The following SH3BP5 variants were observed in gnomAD, a reference collection of about 807,000 sequenced individuals.
The protein encoded by SH3BP5 is SH3 domain binding protein 5, also known as SH3 domain-binding protein 5.
In SH3BP5, 22 loss-of-function variants were observed where a neutral mutation model predicts 43.3. The ratio of observed to expected loss-of-function variants is 0.51; its 90% confidence interval spans 0.36 to 0.73. SH3BP5 has a LOEUF of 0.73. SH3BP5 is among the 30% of genes least tolerant of loss of function. The pLI is 0.00. For missense variants in SH3BP5, 529 were observed against 586.9 expected (o/e 0.90, Z 1.02); for synonymous variants, 255 against 225.8 (o/e 1.13, Z -1.16).
intron 3 of SH3BP5, among the ~76,000 whole-genome samples, chr3:15,286,758 C>T (rs1697276325): frequency 1.3e-5 from 2 of 152,138 alleles, no homozygotes; most frequent in Non-Finnish European, 2.9e-5. Context: ...GTTGCCCAGG[C>T]TGGTCTTGAA....
intron 2 of SH3BP5, among the ~76,000 whole-genome samples, chr3:15,304,814 C>CA (rs11358968): frequency 0.094 from 7,522 of 79,946 alleles, 493 homozygotes; most frequent in African/African-American, 0.17. Context: ...GACTCTGTCT[C>CA]AAAAAAAAAA....
chr3:15,255,456 A>AAAAAGTGCAGCTCAT lies in SH3BP5; in HGVS notation c.*615_*629dup, dbSNP rs1174658476. ...CACTGGCATTCACCTTTCCCACCCC[A>AAAAAGTGCAGCTCAT]AAAAGTGCAGCTCATGGTAGCCTTC... is the stretch of plus-strand genomic sequence containing the variant. On this transcript the variant is annotated 3_prime_UTR_variant, in exon 9 of 9. Transcript: ENST00000383791. 1 of 152,390 alleles carries AAAAAGTGCAGCTCAT rather than the reference A, an allele frequency of 6.6e-6. No individual in the cohort carries two copies. Among genetic ancestry groups the AAAAAGTGCAGCTCAT allele is most frequent in the Non-Finnish European group, 1.5e-5 (1 of 68,046 alleles). 9.4% of individuals were successfully genotyped at this position (152,390 alleles called of 1,614,324 possible). A position where few individuals can be genotyped will look rare whatever the true frequency, so the allele number is the denominator to read the frequency against.
intron 2 of SH3BP5, among the ~76,000 whole-genome samples, chr3:15,320,349 T>C (rs559816245): frequency 1.5e-4 from 23 of 152,198 alleles, no homozygotes; most frequent in African/African-American, 5.3e-4. Context: ...CAGGCAAGAA[T>C]AGAACAAAAT....
intron 3 of SH3BP5, among the ~76,000 whole-genome samples, chr3:15,272,267 C>G (rs1319918320): frequency 2.0e-5 from 3 of 152,222 alleles, no homozygotes; most frequent in Non-Finnish European, 2.9e-5. Flanking sequence ...ACCCAGCCCT[C>G]CAGGCGACGA....
chr3:15,270,950 A>C (rs1220113342), intron 3 of SH3BP5, among the ~76,000 whole-genome samples: 2 of 151,340 alleles, frequency 1.3e-5, no homozygotes, highest in Non-Finnish European at 2.9e-5. Flanking sequence ...AAAGTGATTA[A>C]TCCCAATTGA....
chr3:15,265,148 C>T (rs1696586455), intron 4 of SH3BP5, among the ~76,000 whole-genome samples: 1 of 152,096 alleles, frequency 6.6e-6, no homozygotes, highest in African/African-American at 2.4e-5. Context: ...ACATCACTGT[C>T]CCCTGCTTCG....
intron 2 of SH3BP5, among the ~76,000 whole-genome samples, chr3:15,318,760 T>G (rs1575345792): frequency 6.6e-6 from 1 of 152,266 alleles, no homozygotes; most frequent in Non-Finnish European, 1.5e-5. Flanking sequence ...TTAGTAGAGA[T>G]AGGGTTTCGC....
chr3:15,256,830 G>A (rs781150199), intron 8 of SH3BP5, 23 bp downstream of exon 8: 51 of 1,588,858 alleles, frequency 3.2e-5, no homozygotes, highest in Admixed American at 6.8e-5. Context: ...CATCTGGGAC[G>A]GGGTGAGAAG....
intron 1 of SH3BP5, among the ~76,000 whole-genome samples, chr3:15,339,390 G>A (rs1262724339): frequency 6.6e-6 from 1 of 152,126 alleles, no homozygotes; most frequent in Non-Finnish European, 1.5e-5. Context: ...GATGGTGCTG[G>A]AATCCTGGAG....
In SH3BP5 at chr3:15,258,783, C is replaced by G. The variant is rs765381750; in HGVS notation, c.889+48G>C. 3 of 1,519,854 alleles carry G rather than the reference C, an allele frequency of 2.0e-6. No individual in the cohort carries two copies. In the East Asian group the frequency reaches 6.8e-5, roughly 34 times the overall value. 94.1% of individuals were successfully genotyped at this position (1,519,854 alleles called of 1,614,324 possible). ...AAAGTGAGGACCTTGGGAAACAAAT[C>G]ACACAGTCTGATATCTCCCCACATA... On this transcript the variant is annotated intron_variant, in intron 7 of 8. Coordinates refer to ENST00000383791, the MANE Select transcript of SH3BP5 (RefSeq NM_004844.5).
At chr3:15,258,496 T>A (rs1160237344) in intron 7 of SH3BP5, 1 of 345,494 alleles carries the variant, frequency 2.9e-6, no homozygotes, top group East Asian at 6.8e-5. Flanking sequence ...TTAGTAATGA[T>A]GTAAAGGTAG....
At chr3:15,261,692 A>T (rs1310935358) in intron 5 of SH3BP5, among the ~76,000 whole-genome samples, 2 of 127,422 alleles carry the variant, frequency 1.6e-5, no homozygotes, top group African/African-American at 9.3e-5. Flanking sequence ...TAGTGAGAAG[A>T]GATTGGAGAA....
rs368266006 is a variant in SH3BP5 at position 15,259,993 on chromosome 3, C to T, written c.627-190G>A. ...GGAGACTGACAGACACCAGATGGAACGACTGGGCTCACCCAGGGCTATATT... is the reference window on the plus strand; with the variant it reads ...GGAGACTGACAGACACCAGATGGAATGACTGGGCTCACCCAGGGCTATATT... On this transcript the variant is annotated intron_variant, in intron 5 of 8. Coordinates refer to ENST00000383791, the MANE Select transcript of SH3BP5 (RefSeq NM_004844.5). 1.8e-4 allele frequency: 108 copies of T among 616,754 alleles called. 1 individual carries two copies. Among genetic ancestry groups the T allele is most frequent in the East Asian group, 8.7e-4 (31 of 35,774 alleles). 38.2% of individuals were successfully genotyped at this position (616,754 alleles called of 1,614,324 possible).
At chr3:15,331,561 T>G (rs1575359394) in intron 1 of SH3BP5, among the ~76,000 whole-genome samples, 1 of 152,212 alleles carries the variant, frequency 6.6e-6, no homozygotes, top group Non-Finnish European at 1.5e-5. Flanking sequence ...TCATCTCTCT[T>G]GGAAATGGAG....
At chr3:15,262,123 C>G in intron 5 of SH3BP5, 36 bp downstream of exon 5, 6 of 1,611,230 alleles carry the variant, frequency 3.7e-6, no homozygotes, top group Non-Finnish European at 5.1e-6. Flanking sequence ...ACTAGGACAG[C>G]CGCACGGCCC....
intron 2 of SH3BP5, among the ~76,000 whole-genome samples, chr3:15,308,663 T>C (rs751127748): frequency 6.6e-6 from 1 of 152,094 alleles, no homozygotes; most frequent in Non-Finnish European, 1.5e-5. Context: ...CCATGAACAA[T>C]GGGAGGGCAT....
At chr3:15,304,483 T>C (rs969509683) in intron 2 of SH3BP5, among the ~76,000 whole-genome samples, 1 of 152,224 alleles carries the variant, frequency 6.6e-6, no homozygotes, top group African/African-American at 2.4e-5. Flanking sequence ...CACTTAAAAC[T>C]GGCCGGTGTG....
chr3:15,335,223 C>T (rs539525480), upstream of SH3BP5, among the ~76,000 whole-genome samples: 1 of 151,696 alleles, frequency 6.6e-6, no homozygotes, highest in African/African-American at 2.4e-5. Flanking sequence ...GGTAAAAATA[C>T]AAAAATTAGC....
intron 2 of SH3BP5, among the ~76,000 whole-genome samples, chr3:15,324,642 T>C (rs545737884): frequency 1.3e-4 from 20 of 152,284 alleles, no homozygotes; most frequent in Admixed American, 2.0e-4. Context: ...GAAGCACAAC[T>C]GAGTCTTACA....
Sources: allele counts gnomAD v4.1 joint callset (sites outside exome capture counted in the v4.1 genomes callset), GRCh38; gene constraint gnomAD v4.1.1; transcripts MANE v1.5; gene names NCBI Gene and HGNC (gene_info 2026-07-23, HGNC 2026-07-21).